The following ENOX1 variants were observed in gnomAD, a reference collection of about 807,000 sequenced individuals.
ENOX1 encodes ecto-NOX disulfide-thiol exchanger 1, also known as candidate growth-related and time keeping constitutive hydroquinone (NADH) oxidase.
Under a neutral mutation model 82.5 loss-of-function variants are expected in ENOX1, and 42 were observed. That is an observed-to-expected ratio of 0.51 (90% CI 0.40 to 0.66). ENOX1 has a LOEUF of 0.66. Ranked by LOEUF, ENOX1 falls within the 30% of genes least tolerant of loss-of-function variation. The pLI is 0.00. For missense variants in ENOX1, 608 were observed against 811.6 expected, an observed-to-expected ratio of 0.75 and a Z score of 3.05; for synonymous variants, 271 against 282.2, an observed-to-expected ratio of 0.96 and a Z score of 0.40.
At chr13:43,446,737 A>G (rs909638757) in intron 3 of ENOX1, among the ~76,000 whole-genome samples, 2 of 152,104 alleles carry the variant, frequency 1.3e-5, no homozygotes, top group South Asian at 2.1e-4. Flanking sequence ...CACATCCCCA[A>G]ATCAGCTTGG....
chr13:43,621,544 G>C (rs2082731568), intron 2 of ENOX1, among the ~76,000 whole-genome samples: 1 of 152,140 alleles, frequency 6.6e-6, no homozygotes, highest in South Asian at 2.1e-4. Context: ...ATTCTTGGCT[G>C]ATAATTGTTT....
intron 2 of ENOX1, among the ~76,000 whole-genome samples, chr13:43,509,368 T>C (rs2077284747): frequency 6.6e-6 from 1 of 152,026 alleles, no homozygotes; most frequent in African/African-American, 2.4e-5. Context: ...GAGTCTGTCA[T>C]TTATTCCCTC....
At chr13:43,491,801 TA>T (rs1196084503) in intron 2 of ENOX1, among the ~76,000 whole-genome samples, 1 of 152,048 alleles carries the variant, frequency 6.6e-6, no homozygotes, top group Non-Finnish European at 1.5e-5. Flanking sequence ...ATAGATGAGA[TA>T]ATTCTTAAAA....
rs3044219 is a variant in ENOX1 at position 43,681,686 on chromosome 13, AACACACACACACAC to A, written c.-284-14156_-284-14143del. Among the ~76,000 whole-genome samples the A allele has an allele frequency of 3.8e-3, 521 of 135,342 alleles. 3 individuals are homozygous for A. In the Middle Eastern group the frequency reaches 0.046, roughly 12 times the overall value. 88.8% of individuals were successfully genotyped at this position (135,342 alleles called of 152,430 possible). ...ATTCCCACTTGGGCCATAATGCATA[AACACACACACACAC>A]ACACACACACACACACACACACACA... On this transcript the variant is annotated intron_variant, in intron 1 of 16. Coordinates refer to ENST00000690772, the MANE Select transcript of ENOX1 (RefSeq NM_001347969.2).
chr13:43,307,646 T>C (rs1485697523), intron 11 of ENOX1, among the ~76,000 whole-genome samples: 3 of 152,226 alleles, frequency 2.0e-5, no homozygotes, highest in Non-Finnish European at 4.4e-5. Context: ...GCCTCTGCCA[T>C]GTCTTCTCAC....
chr13:43,386,283 G>A (rs879504082), intron 5 of ENOX1, among the ~76,000 whole-genome samples: 4 of 152,228 alleles, frequency 2.6e-5, no homozygotes, highest in Non-Finnish European at 5.9e-5. Context: ...ACATCCCTCT[G>A]TGTCCTTACA....
At chr13:43,427,068 C>T (rs1394255391) in intron 3 of ENOX1, among the ~76,000 whole-genome samples, 1 of 152,182 alleles carries the variant, frequency 6.6e-6, no homozygotes, top group East Asian at 1.9e-4. Context: ...CAGTTCTCTT[C>T]AATCTGAGAG....
At chr13:43,694,080 A>G (rs2086511073) in intron 1 of ENOX1, among the ~76,000 whole-genome samples, 1 of 152,172 alleles carries the variant, frequency 6.6e-6, no homozygotes, top group Admixed American at 6.5e-5. Context: ...GATATGCATA[A>G]TCAACTTTAT....
intron 1 of ENOX1, among the ~76,000 whole-genome samples, chr13:43,783,298 A>G (rs1952382638): frequency 6.6e-6 from 1 of 152,224 alleles, no homozygotes; most frequent in Non-Finnish European, 1.5e-5. Context: ...TAGCATGTCA[A>G]TGTTGATTTT....
intron 1 of ENOX1, among the ~76,000 whole-genome samples, chr13:43,782,750 A>G (rs1952350385): frequency 1.3e-5 from 2 of 152,244 alleles, no homozygotes; most frequent in African/African-American, 2.4e-5. Context: ...TACACACAAT[A>G]TATATTTCCT....
intron 5 of ENOX1, among the ~76,000 whole-genome samples, chr13:43,372,444 C>A (rs2051304025): frequency 6.6e-6 from 1 of 152,158 alleles, no homozygotes; most frequent in East Asian, 1.9e-4. Flanking sequence ...CAAAGGATAA[C>A]ACAGAGGGGC....
At chr13:43,472,477 T>A (rs916131519) in intron 3 of ENOX1, among the ~76,000 whole-genome samples, 13 of 152,166 alleles carry the variant, frequency 8.5e-5, no homozygotes, top group African/African-American at 2.7e-4. Flanking sequence ...GAAACGGTAT[T>A]TCCTTGACTT....
chr13:43,399,376 T>C (rs1284134881), intron 5 of ENOX1, among the ~76,000 whole-genome samples: 2 of 152,146 alleles, frequency 1.3e-5, no homozygotes, highest in African/African-American at 4.8e-5. Flanking sequence ...TACATGTGGG[T>C]GCTTCCACGT....
At chr13:43,405,362 G>A (rs995528698) in intron 5 of ENOX1, among the ~76,000 whole-genome samples, 1 of 152,048 alleles carries the variant, frequency 6.6e-6, no homozygotes, top group Non-Finnish European at 1.5e-5. Flanking sequence ...GGTCCCCAGG[G>A]CGTCAACAAC....
intron 2 of ENOX1, among the ~76,000 whole-genome samples, chr13:43,584,735 A>G (rs965699826): frequency 2.0e-5 from 3 of 152,316 alleles, no homozygotes; most frequent in Admixed American, 2.0e-4. Context: ...GAATCAAAGA[A>G]GTCGACATCA....
intron 2 of ENOX1, among the ~76,000 whole-genome samples, chr13:43,643,841 A>C (rs2083774140): frequency 6.6e-6 from 1 of 151,978 alleles, no homozygotes; most frequent in Admixed American, 6.6e-5. Context: ...TCCTCTCCTC[A>C]TCTCCCTACC....
chr13:43,771,186 G>C (rs574660099), intron 1 of ENOX1, among the ~76,000 whole-genome samples: 1 of 152,150 alleles, frequency 6.6e-6, no homozygotes, highest in Admixed American at 6.5e-5. Context: ...AATCCAAGGC[G>C]GGAGGGCAGA....
chr13:43,637,805 A>C (rs751172079), intron 2 of ENOX1, among the ~76,000 whole-genome samples: 55 of 152,326 alleles, frequency 3.6e-4, no homozygotes, highest in Non-Finnish European at 5.9e-4. Context: ...CCTAACAAAT[A>C]ATTTGAAAAT....
intron 2 of ENOX1, among the ~76,000 whole-genome samples, chr13:43,582,289 T>A (rs949889483): frequency 6.6e-6 from 1 of 151,740 alleles, no homozygotes; most frequent in Non-Finnish European, 1.5e-5. Context: ...GAAAGGAAAA[T>A]TCATAGATTT....
Sources: allele counts gnomAD v4.1 joint callset (sites outside exome capture counted in the v4.1 genomes callset), GRCh38; gene constraint gnomAD v4.1.1; transcripts MANE v1.5; gene names NCBI Gene and HGNC (gene_info 2026-07-23, HGNC 2026-07-21).